The following ESRRB variants were observed in gnomAD, a reference collection of about 807,000 sequenced individuals.
The protein encoded by ESRRB is steroid hormone receptor ERR2.
In ESRRB, 16 loss-of-function variants were observed where a neutral mutation model predicts 46.0. The ratio of observed to expected loss-of-function variants is 0.35; its 90% confidence interval spans 0.24 to 0.53. The LOEUF is 0.53. Ranked by LOEUF, ESRRB falls within the 20% of genes least tolerant of loss-of-function variation. ESRRB has a pLI of 0.93. For missense variants in ESRRB, 488 were observed against 607.4 expected, an observed-to-expected ratio of 0.80 and a Z score of 2.07; for synonymous variants, 246 against 259.6, an observed-to-expected ratio of 0.95 and a Z score of 0.50.
chr14:76,402,373 G>C (rs944273131), intron 1 of ESRRB, among the ~76,000 whole-genome samples: 10 of 152,180 alleles, frequency 6.6e-5, no homozygotes, highest in Admixed American at 1.3e-4. Flanking sequence ...TAAAGGTTCT[G>C]AGAATGCAGT....
chr14:76,332,523 TAA>T (rs398057263), intron 1 of ESRRB, among the ~76,000 whole-genome samples: 1 of 87,490 alleles, frequency 1.1e-5, no homozygotes, highest in Non-Finnish European at 2.1e-5. Context: ...ATATAATATA[TAA>T]ATATATACAA....
chr14:76,351,515 TG>T (rs1884312868), intron 1 of ESRRB, among the ~76,000 whole-genome samples: 1 of 152,230 alleles, frequency 6.6e-6, no homozygotes, highest in African/African-American at 2.4e-5. Context: ...GGGCTTGCCC[TG>T]CTCCAGTATG....
intron 2 of ESRRB, among the ~76,000 whole-genome samples, chr14:76,458,425 GAC>G (rs58562150): frequency 0.062 from 8,377 of 134,640 alleles, 240 homozygotes; most frequent in East Asian, 0.12. Flanking sequence ...CTCTCTCTCT[GAC>G]ACACACACAC....
At chr14:76,341,714 C>T (rs569809059) in intron 1 of ESRRB, among the ~76,000 whole-genome samples, 60 of 152,332 alleles carry the variant, frequency 3.9e-4, no homozygotes, top group African/African-American at 1.4e-3. Flanking sequence ...TTAATAAGCC[C>T]ACCCACTGTC....
chr14:76,455,195 C>T lies in ESRRB; in HGVS notation c.461-7350C>T, dbSNP rs137888538. The stretch of plus-strand genomic sequence containing the variant: ...TTATGCCACTGTCCTCCAGCCTGGG[C>T]GACAGAGCAAGACTTTGTCTCAAAA... On this transcript the variant is annotated intron_variant, in intron 2 of 6. Coordinates refer to ENST00000644823, the MANE Select transcript of ESRRB (RefSeq NM_001379180.1). Among the ~76,000 whole-genome samples, 713 of 152,046 alleles carry T rather than the reference C, an allele frequency of 4.7e-3. 7 individuals are homozygous for T. Among genetic ancestry groups the T allele is most frequent in the African/African-American group, 0.016 (679 of 41,474 alleles).
intron 3 of ESRRB, 43 bp from the exon 4 acceptor site, chr14:76,481,973 T>C: frequency 1.3e-6 from 2 of 1,564,504 alleles, no homozygotes; most frequent in Non-Finnish European, 8.8e-7. Context: ...ACCCTGGTGA[T>C]GTTGAACAAC....
At chr14:76,466,966 C>T (rs1235719354) in intron 3 of ESRRB, among the ~76,000 whole-genome samples, 1 of 151,878 alleles carries the variant, frequency 6.6e-6, no homozygotes, top group Admixed American at 6.6e-5. Context: ...GTGATCTGCC[C>T]GCCTCAGCCT....
chr14:76,473,235 G>C (rs1326311835), intron 3 of ESRRB, among the ~76,000 whole-genome samples: 1 of 152,204 alleles, frequency 6.6e-6, no homozygotes, highest in African/African-American at 2.4e-5. Context: ...CCTCAACATT[G>C]TTGGGCAGCT....
chr14:76,332,295 C>A (rs1046670955), intron 1 of ESRRB, among the ~76,000 whole-genome samples: 1 of 149,408 alleles, frequency 6.7e-6, no homozygotes, highest in African/African-American at 2.5e-5. Context: ...TAATTTTAAA[C>A]TTTCTAGTAG....
intron 1 of ESRRB, among the ~76,000 whole-genome samples, chr14:76,336,849 G>C (rs1333710071): frequency 6.6e-6 from 1 of 152,172 alleles, no homozygotes; most frequent in African/African-American, 2.4e-5. Flanking sequence ...TACATTTATG[G>C]GGGTGGGGGA....
intron 3 of ESRRB, among the ~76,000 whole-genome samples, chr14:76,467,755 G>A (rs916594957): frequency 6.6e-6 from 1 of 152,068 alleles, no homozygotes; most frequent in East Asian, 1.9e-4. Flanking sequence ...GGTGTGGACT[G>A]ACTCTGGAAA....
intron 1 of ESRRB, among the ~76,000 whole-genome samples, chr14:76,328,604 C>T (rs749669625): frequency 5.9e-5 from 9 of 151,406 alleles, no homozygotes; most frequent in Non-Finnish European, 1.2e-4. Flanking sequence ...TTCCACTGCC[C>T]TTGAGTCCCA....
intron 1 of ESRRB, among the ~76,000 whole-genome samples, chr14:76,396,083 G>A (rs556348580): frequency 3.3e-5 from 5 of 152,274 alleles, no homozygotes; most frequent in African/African-American, 1.2e-4. Flanking sequence ...TGAGGCAGGA[G>A]AATCGCTTGA....
At chr14:76,484,273 C>T (rs934833492) in intron 5 of ESRRB, among the ~76,000 whole-genome samples, 5 of 152,250 alleles carry the variant, frequency 3.3e-5, no homozygotes, top group Non-Finnish European at 5.9e-5. Context: ...TCAGATGGCC[C>T]AGAGGCTCTG....
chr14:76,318,999 C>T (rs962076473), intron 1 of ESRRB, among the ~76,000 whole-genome samples: 3 of 152,212 alleles, frequency 2.0e-5, no homozygotes, highest in Non-Finnish European at 4.4e-5. Flanking sequence ...CTCCCATATC[C>T]GATGACCAAG....
chr14:76,467,192 C>T (rs999241677), intron 3 of ESRRB, among the ~76,000 whole-genome samples: 4 of 151,892 alleles, frequency 2.6e-5, no homozygotes, highest in South Asian at 2.1e-4. Flanking sequence ...TCCCTTGATG[C>T]GTTAAAATAC....
chr14:76,402,131 T>C (rs1423586633), intron 1 of ESRRB, among the ~76,000 whole-genome samples: 1 of 152,232 alleles, frequency 6.6e-6, no homozygotes, highest in Non-Finnish European at 1.5e-5. Context: ...CTCTAGCTGA[T>C]TGGATGATTG....
intron 6 of ESRRB, among the ~76,000 whole-genome samples, chr14:76,494,283 T>C (rs1417372638): frequency 6.6e-6 from 1 of 151,700 alleles, no homozygotes; most frequent in African/African-American, 2.4e-5. Context: ...TTTTTTAAAG[T>C]ATAGTTTTAG....
intron 1 of ESRRB, among the ~76,000 whole-genome samples, chr14:76,316,617 G>A (rs1331437257): frequency 6.6e-6 from 1 of 152,160 alleles, no homozygotes; most frequent in African/African-American, 2.4e-5. Context: ...ATCACAGCAG[G>A]AGGGATTTGA....
Sources: gnomAD v4.1 joint callset for allele counts (sites outside exome capture counted in the v4.1 genomes callset) on GRCh38, gnomAD v4.1.1 for gene constraint, MANE v1.5 for transcripts, NCBI Gene and HGNC (gene_info 2026-07-23, HGNC 2026-07-21) for gene names.